The following GRM3 variants were observed in gnomAD, a reference collection of about 807,000 sequenced individuals.
The protein encoded by GRM3 is glutamate metabotropic receptor 3.
In GRM3, 26 loss-of-function variants were observed where a neutral mutation model predicts 70.5. The ratio of observed to expected loss-of-function variants is 0.37; its 90% CI spans 0.27 to 0.51. The LOEUF (loss-of-function observed/expected upper bound fraction) is 0.51, where lower values mean the gene tolerates loss of function less well. Among genes scored for constraint, GRM3 ranks in the 20% least tolerant of loss-of-function variants. GRM3 has a pLI of 0.93. For synonymous variants in GRM3, 443 were observed against 434.9 expected (o/e 1.02, Z -0.23); for missense variants, 859 against 1,123.8 (o/e 0.76, Z 3.37).
chr7:86,714,779 T>C (rs144867379), intron 1 of GRM3, among the ~76,000 whole-genome samples: 36 of 152,168 alleles, frequency 2.4e-4, no homozygotes, highest in African/African-American at 8.4e-4. Flanking sequence ...TTTTTGCTGC[T>C]ACAGGCATTC....
At chr7:86,685,528 C>T (rs2115993480) in intron 1 of GRM3, among the ~76,000 whole-genome samples, 1 of 152,282 alleles carries the variant, frequency 6.6e-6, no homozygotes, top group South Asian at 2.1e-4. Flanking sequence ...AGCATGATGT[C>T]ACCTTAGTGT....
intron 1 of GRM3, among the ~76,000 whole-genome samples, chr7:86,683,337 T>A (rs1279676148): frequency 6.6e-6 from 1 of 152,102 alleles, no homozygotes; most frequent in East Asian, 1.9e-4. Flanking sequence ...GCAGAGGAAA[T>A]AACAAGTTCA....
At chr7:86,767,590 A>G (rs1364445332) in intron 2 of GRM3, among the ~76,000 whole-genome samples, 2 of 147,774 alleles carry the variant, frequency 1.4e-5, no homozygotes, top group Non-Finnish European at 3.0e-5. Context: ...ATATATGTGT[A>G]TATATATAGT....
chr7:86,851,051 C>A (rs961886545), intron 5 of GRM3, among the ~76,000 whole-genome samples: 2 of 152,120 alleles, frequency 1.3e-5, no homozygotes, highest in African/African-American at 4.8e-5. Flanking sequence ...CTAATTCCCC[C>A]TTGGAAGTTT....
chr7:86,689,154 A>G (rs1794638243), intron 1 of GRM3, among the ~76,000 whole-genome samples: 1 of 151,606 alleles, frequency 6.6e-6, no homozygotes, highest in Non-Finnish European at 1.5e-5. Flanking sequence ...AATGTATTGT[A>G]ATAATGTAAC....
chr7:86,690,144 C>T (rs75989716), intron 1 of GRM3, among the ~76,000 whole-genome samples: 1,525 of 152,160 alleles, frequency 0.01, 18 homozygotes, highest in African/African-American at 0.035. Flanking sequence ...GCCTTCACTT[C>T]GGAGGTGATA....
intron 1 of GRM3, among the ~76,000 whole-genome samples, chr7:86,737,459 T>C (rs1328097311): frequency 6.6e-6 from 1 of 152,322 alleles, no homozygotes; most frequent in East Asian, 1.9e-4. Flanking sequence ...CACTGGCTAC[T>C]GCATTTGTAA....
intron 1 of GRM3, among the ~76,000 whole-genome samples, chr7:86,730,038 C>T (rs955201287): frequency 5.3e-5 from 8 of 151,866 alleles, no homozygotes; most frequent in Non-Finnish European, 8.8e-5. Context: ...ACCTGGGAGG[C>T]GGAGGTTGCA....
At chr7:86,805,898 C>G (rs904484263) in intron 3 of GRM3, among the ~76,000 whole-genome samples, 1 of 150,138 alleles carries the variant, frequency 6.7e-6, no homozygotes, top group African/African-American at 2.5e-5. Context: ...TCCCTCCCCC[C>G]TCCCCGCACC....
In GRM3 at chr7:86,839,074, T is replaced by C; in HGVS notation, c.1560T>C (p.Asn520=). 6.2e-7 allele frequency: 1 copy of C among 1,614,012 alleles called. No individual in the cohort carries two copies. The highest frequency in any genetic ancestry group is 1.7e-4 in the Middle Eastern group (1 of 6,060). The change falls in exon 4 of 6, where the codon AAT becomes AAC. Residue 520 remains asparagine (N), a synonymous_variant. Transcript: ENST00000361669. This position sits in a 1 kb window ranked among gnomAD's most constrained non-coding sequence, Gnocchi z 4.5. ...SDPCAPNEMK[N]MQPGDVCCWI... ...CCTGTGCCCCCAATGAAATGAAGAA[T>C]ATGCAACCAGGGGATGTCTGCTGCT... is the stretch of plus-strand genomic sequence containing the variant.
At chr7:86,825,491 A>C (rs1798213877) in intron 3 of GRM3, among the ~76,000 whole-genome samples, 1 of 152,214 alleles carries the variant, frequency 6.6e-6, no homozygotes, top group Non-Finnish European at 1.5e-5. Context: ...ACACATGACA[A>C]CTTAACAATA....
intron 3 of GRM3, among the ~76,000 whole-genome samples, chr7:86,805,878 C>T (rs890305514): frequency 2.6e-5 from 4 of 151,956 alleles, no homozygotes; most frequent in African/African-American, 9.7e-5. Flanking sequence ...AGGTATATCT[C>T]CTAATGCTAT....
intron 1 of GRM3, among the ~76,000 whole-genome samples, chr7:86,684,091 G>A (rs1448293255): frequency 2.0e-5 from 3 of 151,264 alleles, no homozygotes; most frequent in African/African-American, 4.9e-5. Flanking sequence ...AAAGTTCTTC[G>A]TGGTCTGAAA....
intron 1 of GRM3, among the ~76,000 whole-genome samples, chr7:86,693,327 T>A (rs1214509956): frequency 6.6e-6 from 1 of 152,156 alleles, no homozygotes; most frequent in Non-Finnish European, 1.5e-5. Flanking sequence ...AGGACATGGG[T>A]CAGTTAGAAG....
intron 1 of GRM3, among the ~76,000 whole-genome samples, chr7:86,654,946 G>A (rs145604261): frequency 6.2e-4 from 95 of 152,296 alleles, no homozygotes; most frequent in African/African-American, 2.2e-3. Context: ...TAGAATGAGG[G>A]ATGTACAAAA....
At chr7:86,751,463 T>A (rs1272083850) in intron 1 of GRM3, among the ~76,000 whole-genome samples, 2 of 152,114 alleles carry the variant, frequency 1.3e-5, no homozygotes, top group Non-Finnish European at 1.5e-5. Flanking sequence ...ATAATAGACA[T>A]AATAAGCAAT....
intron 4 of GRM3, among the ~76,000 whole-genome samples, chr7:86,849,807 TAAGCAA>T (rs1017916695): frequency 4.6e-5 from 7 of 151,924 alleles, no homozygotes; most frequent in Non-Finnish European, 2.9e-5. Context: ...GAGATGCCAA[TAAGCAA>T]AAGCAAAGGT....
intron 1 of GRM3, among the ~76,000 whole-genome samples, chr7:86,698,770 A>G (rs576073047): frequency 4.6e-5 from 7 of 151,968 alleles, no homozygotes; most frequent in Non-Finnish European, 8.8e-5. Context: ...CCTTAAGAAC[A>G]CTTTCCCAGA....
intron 1 of GRM3, among the ~76,000 whole-genome samples, chr7:86,702,420 C>G (rs1794964877): frequency 6.6e-6 from 1 of 151,874 alleles, no homozygotes; most frequent in Non-Finnish European, 1.5e-5. Flanking sequence ...TGCTAGATGC[C>G]CACAACAACC....
Sources: allele counts gnomAD v4.1 joint callset (sites outside exome capture counted in the v4.1 genomes callset), GRCh38; gene constraint gnomAD v4.1.1; non-coding constraint Gnocchi (gnomAD v3.1); transcripts MANE v1.5; gene names NCBI Gene and HGNC (gene_info 2026-07-23, HGNC 2026-07-21).